Variants in OXR1 observed in about 807,000 individuals in gnomAD.
OXR1 encodes the protein oxidation resistance protein 1.
In OXR1, 41 loss-of-function variants were observed where a neutral mutation model predicts 104.6. The ratio of observed to expected loss-of-function variants is 0.39; its 90% CI spans 0.31 to 0.51. The LOEUF (loss-of-function observed/expected upper bound fraction) is 0.51, where lower values mean the gene tolerates loss of function less well. Among genes scored for constraint, OXR1 ranks in the 20% least tolerant of loss-of-function variants. OXR1 has a pLI of 0.77. For missense variants in OXR1, 955 were observed against 1,031.9 expected (o/e 0.93, Z 1.02); for synonymous variants, 348 against 348.4 (o/e 1.00, Z 0.01).
intron 3 of OXR1, among the ~76,000 whole-genome samples, chr8:106,538,450 A>AT (rs201203808): frequency 1.3e-5 from 2 of 151,732 alleles, no homozygotes; most frequent in Admixed American, 6.6e-5. Context: ...CTTTTCTACT[A>AT]TTTTTTTTCC....
chr8:106,571,919 C>T (rs899212389), intron 3 of OXR1, among the ~76,000 whole-genome samples: 11 of 152,144 alleles, frequency 7.2e-5, no homozygotes, highest in Non-Finnish European at 7.4e-5. Context: ...GATCTTAAGG[C>T]TCAAAAATAG....
chr8:106,342,093 G>A (rs534715332), intron 1 of OXR1, among the ~76,000 whole-genome samples: 4 of 150,018 alleles, frequency 2.7e-5, no homozygotes, highest in Admixed American at 2.7e-4. Flanking sequence ...GTCTCACTAT[G>A]TTGCTCAGCC....
chr8:106,579,492 C>T (rs1818086746), intron 3 of OXR1, among the ~76,000 whole-genome samples: 1 of 152,164 alleles, frequency 6.6e-6, no homozygotes, highest in Non-Finnish European at 1.5e-5. Context: ...TTATGCATGT[C>T]TGATTATCTA....
At chr8:106,583,297 A>G (rs1483463134) in intron 3 of OXR1, among the ~76,000 whole-genome samples, 1 of 152,208 alleles carries the variant, frequency 6.6e-6, no homozygotes, top group East Asian at 1.9e-4. Context: ...AAGCTAAATT[A>G]CAAATTTATA....
At position 106,499,094 on chromosome 8, in the gene OXR1, G is replaced by A. The variant is rs551843742; in HGVS notation, c.24-19849G>A. 2.8e-4 allele frequency among the ~76,000 whole-genome samples: 6 copies of A among 21,670 alleles called. 3 individuals carry two copies. Among genetic ancestry groups the A allele is most frequent in the South Asian group, 1.5e-3 (2 of 1,322 alleles). 14.2% of individuals were successfully genotyped at this position (21,670 alleles called of 152,430 possible). On this transcript the variant is annotated intron_variant, in intron 2 of 16. Transcript: ENST00000517566. ...GGAGAATGGCGTGAACCCGGGAAGCGGAGCTTGCAGTGAGCCGAGATTGCG... is the reference window on the plus strand; with the variant it reads ...GGAGAATGGCGTGAACCCGGGAAGCAGAGCTTGCAGTGAGCCGAGATTGCG...
chr8:106,543,891 T>C (rs1182344951), intron 3 of OXR1, among the ~76,000 whole-genome samples: 1 of 152,210 alleles, frequency 6.6e-6, no homozygotes, highest in African/African-American at 2.4e-5. Context: ...CCATATCATC[T>C]CCTTTCCAAA....
chr8:106,421,466 T>C (rs1818904354), intron 2 of OXR1, among the ~76,000 whole-genome samples: 1 of 152,154 alleles, frequency 6.6e-6, no homozygotes, highest in Admixed American at 6.6e-5. Flanking sequence ...AAGCCTGTGG[T>C]TAGCTGCAGG....
At chr8:106,694,404 TATATATATTTATATATATATTTA>T (rs1051277837) in intron 7 of OXR1, among the ~76,000 whole-genome samples, 3 of 140,520 alleles carry the variant, frequency 2.1e-5, no homozygotes, top group Non-Finnish European at 4.6e-5. Context: ...TATATATTTA[TATATATATTTATATATATATTTA>T]ATATATATAA....
At chr8:106,341,882 T>A (rs1815266611) in intron 1 of OXR1, among the ~76,000 whole-genome samples, 1 of 151,854 alleles carries the variant, frequency 6.6e-6, no homozygotes, top group Non-Finnish European at 1.5e-5. Context: ...CTATTTTTTT[T>A]TTTTCTTTTT....
At chr8:106,345,710 G>A (rs187594717) in intron 1 of OXR1, among the ~76,000 whole-genome samples, 14 of 152,234 alleles carry the variant, frequency 9.2e-5, no homozygotes, top group African/African-American at 2.6e-4. Context: ...TAAAACATAC[G>A]TTTGATCATG....
chr8:106,439,046 T>C (rs1230973552), intron 2 of OXR1, among the ~76,000 whole-genome samples: 1 of 152,168 alleles, frequency 6.6e-6, no homozygotes, highest in Non-Finnish European at 1.5e-5. Flanking sequence ...CAATTGTTCA[T>C]ATTCAGAAGA....
chr8:106,435,804 G>T (rs1480528799), intron 2 of OXR1, among the ~76,000 whole-genome samples: 1 of 152,112 alleles, frequency 6.6e-6, no homozygotes, highest in African/African-American at 2.4e-5. Context: ...GCAGTCTCAG[G>T]TATAGTAACC....
chr8:106,716,781 A>G (rs1832306459), intron 11 of OXR1, among the ~76,000 whole-genome samples: 1 of 152,156 alleles, frequency 6.6e-6, no homozygotes, highest in Non-Finnish European at 1.5e-5. Context: ...AATAAACTAT[A>G]TTAATACAAT....
At chr8:106,484,458 C>A (rs1822326894) in intron 2 of OXR1, among the ~76,000 whole-genome samples, 1 of 151,858 alleles carries the variant, frequency 6.6e-6, no homozygotes, top group South Asian at 2.1e-4. Flanking sequence ...TAATTAAAAT[C>A]TTTTAAGAAA....
At chr8:106,616,722 T>C (rs906208039) in intron 3 of OXR1, among the ~76,000 whole-genome samples, 14 of 152,316 alleles carry the variant, frequency 9.2e-5, no homozygotes, top group Middle Eastern at 3.4e-3. Context: ...TGTGAACTGG[T>C]GGCACCATGA....
At chr8:106,503,026 T>C (rs550360348) in intron 2 of OXR1, among the ~76,000 whole-genome samples, 1 of 152,200 alleles carries the variant, frequency 6.6e-6, no homozygotes, top group Non-Finnish European at 1.5e-5. Flanking sequence ...AAATCCATCC[T>C]TTTTATGCCC....
chr8:106,380,339 A>C (rs1230245118), intron 2 of OXR1, among the ~76,000 whole-genome samples: 2 of 152,136 alleles, frequency 1.3e-5, no homozygotes, highest in Non-Finnish European at 2.9e-5. Flanking sequence ...CATTGAATGG[A>C]TATACCATAC....
intron 3 of OXR1, among the ~76,000 whole-genome samples, chr8:106,675,608 T>A (rs558447614): frequency 6.6e-6 from 1 of 152,310 alleles, no homozygotes; most frequent in African/African-American, 2.4e-5. Flanking sequence ...TTGTATAGTT[T>A]TGAGTGAATT....
chr8:106,510,463 T>G (rs1001066722), intron 2 of OXR1, among the ~76,000 whole-genome samples: 9 of 152,170 alleles, frequency 5.9e-5, no homozygotes, highest in African/African-American at 2.2e-4. Context: ...CAAACTTAGA[T>G]GATTTAGATG....
Sources: allele counts gnomAD v4.1 joint callset (sites outside exome capture counted in the v4.1 genomes callset), GRCh38; gene constraint gnomAD v4.1.1; transcripts MANE v1.5; gene names NCBI Gene and HGNC (gene_info 2026-07-23, HGNC 2026-07-21).